The following ADAM18 variants were observed in gnomAD, a reference collection of about 807,000 sequenced individuals.
ADAM18 encodes ADAM metallopeptidase domain 18, also known as disintegrin and metalloproteinase domain-containing protein 18.
A neutral mutation model predicts 94.4 loss-of-function variants in ADAM18; 117 were observed. The ratio of observed to expected loss-of-function variants is 1.24; its 90% confidence interval spans 1.07 to 1.45. ADAM18 has a LOEUF of 1.45. ADAM18 is among the 40% of genes most tolerant of loss of function. The pLI is 0.00. For missense variants in ADAM18, 936 were observed against 880.0 expected, an observed-to-expected ratio of 1.06 and a Z score of -0.81; for synonymous variants, 327 against 291.6, an observed-to-expected ratio of 1.12 and a Z score of -1.24.
chr8:39,683,808 T>C (rs1197577781), intron 16 of ADAM18, among the ~76,000 whole-genome samples: 2 of 152,154 alleles, frequency 1.3e-5, no homozygotes, highest in Non-Finnish European at 2.9e-5. Flanking sequence ...AGATGGCAAA[T>C]ATTTTCTCCT....
chr8:39,600,623 A>T (rs1439257150), intron 2 of ADAM18, among the ~76,000 whole-genome samples: 1 of 152,178 alleles, frequency 6.6e-6, no homozygotes, highest in African/African-American at 2.4e-5. Context: ...AACTGCTCTC[A>T]GTTTGAGAAA....
chr8:39,642,751 T>C (rs1197787201), intron 10 of ADAM18, among the ~76,000 whole-genome samples: 1 of 152,110 alleles, frequency 6.6e-6, no homozygotes, highest in African/African-American at 2.4e-5. Flanking sequence ...TTGCTTACAA[T>C]TGCCTTTCTA....
rs183798317 is a variant in ADAM18 at position 39,641,475 on chromosome 8, C to T, written c.909+2929C>T. 6.1e-3 allele frequency among the ~76,000 whole-genome samples: 923 copies of T among 152,020 alleles called. 10 individuals are homozygous for T. Among genetic ancestry groups the T allele is most frequent in the African/African-American group, 0.021 (878 of 41,516 alleles). The stretch of plus-strand genomic sequence containing the variant: ...GTACCCATTAGTTATTCTTTCTGAT[C>T]CTCTCCCTCCTCCTACCCTCCATCC... On this transcript the variant is annotated intron_variant, in intron 10 of 19. Transcript: ENST00000265707.
At chr8:39,652,680 C>T (rs1278742980) in intron 12 of ADAM18, among the ~76,000 whole-genome samples, 1 of 152,144 alleles carries the variant, frequency 6.6e-6, no homozygotes, top group Non-Finnish European at 1.5e-5. Context: ...GATCCCATTA[C>T]TGGATATATA....
chr8:39,680,843 G>T (rs1429843911), intron 16 of ADAM18, among the ~76,000 whole-genome samples: 1 of 151,646 alleles, frequency 6.6e-6, no homozygotes, highest in East Asian at 1.9e-4. Flanking sequence ...AGCAATTATA[G>T]AGTGTTGCAC....
chr8:39,653,965 A>G (rs962967161), intron 12 of ADAM18, among the ~76,000 whole-genome samples: 1 of 151,902 alleles, frequency 6.6e-6, no homozygotes, highest in African/African-American at 2.4e-5. Flanking sequence ...ACCAACTTCT[A>G]TTCATCCCAC....
intron 2 of ADAM18, among the ~76,000 whole-genome samples, chr8:39,605,466 A>G (rs4733880): frequency 0.059 from 8,901 of 152,070 alleles, 350 homozygotes; most frequent in Non-Finnish European, 0.093. Context: ...CCACAGTTTT[A>G]TATGTTGAGA....
At chr8:39,654,761 A>G (rs1820640815) in intron 12 of ADAM18, among the ~76,000 whole-genome samples, 1 of 152,106 alleles carries the variant, frequency 6.6e-6, no homozygotes, top group Non-Finnish European at 1.5e-5. Flanking sequence ...ATGATATCTC[A>G]TTGTGGGTTT....
chr8:39,709,203 G>A (rs554719573), intron 18 of ADAM18, among the ~76,000 whole-genome samples: 2 of 152,312 alleles, frequency 1.3e-5, no homozygotes, highest in East Asian at 1.9e-4. Context: ...GGGAAGGGGA[G>A]CCGAAAAGGG....
rs199591632 is a variant in ADAM18 at position 39,645,438 on chromosome 8, G to T, written c.1010G>T (p.Cys337Phe). 1.2e-6 allele frequency: 2 copies of T among 1,612,194 alleles called. No homozygotes were observed. The highest frequency in any genetic ancestry group is 1.3e-5 in the African/African-American group (1 of 74,942). The change falls in exon 11 of 20, where the codon TGT becomes TTT. Residue 337 changes from cysteine (C) to phenylalanine (F), a missense_variant. Coordinates refer to ENST00000265707, the MANE Select transcript of ADAM18 (RefSeq NM_014237.3). ...TATGATGACATCACTCAGTGTTTCT[G>T]TCTGAGAGCTACATGCATCATGAAT... ...LTYDDITQCF[C>F]LRATCIMNHE...
intron 2 of ADAM18, among the ~76,000 whole-genome samples, chr8:39,597,073 A>G (rs1156824574): frequency 1.3e-5 from 2 of 152,134 alleles, no homozygotes; most frequent in African/African-American, 4.8e-5. Flanking sequence ...TGCTTGACAT[A>G]TATCTTATTT....
intron 6 of ADAM18, chr8:39,611,626 C>T: frequency 1.0e-6 from 1 of 975,666 alleles, no homozygotes; most frequent in Non-Finnish European, 1.2e-6. Flanking sequence ...GCATTGCTTC[C>T]ACATATACAT....
chr8:39,671,806 T>A (rs1002160773), intron 14 of ADAM18, among the ~76,000 whole-genome samples: 1 of 152,082 alleles, frequency 6.6e-6, no homozygotes, highest in Non-Finnish European at 1.5e-5. Context: ...GAGACAGGGA[T>A]GTGATGGACT....
chr8:39,679,823 C>T (rs930920541), intron 15 of ADAM18, among the ~76,000 whole-genome samples: 3 of 152,126 alleles, frequency 2.0e-5, no homozygotes, highest in African/African-American at 7.2e-5. Context: ...GGAATGAAGT[C>T]GTGTCTTCAC....
chr8:39,679,999 G>A (rs1183502678), intron 15 of ADAM18, 38 bp from the exon 16 acceptor site: 1 of 1,600,660 alleles, frequency 6.2e-7, no homozygotes, highest in Admixed American at 1.7e-5. Context: ...ATCATTAAGA[G>A]ATAAACTGAT....
intron 11 of ADAM18, among the ~76,000 whole-genome samples, chr8:39,647,769 T>TG (rs1820425693): frequency 6.6e-6 from 1 of 152,216 alleles, no homozygotes; most frequent in African/African-American, 2.4e-5. Context: ...AAACATTTTG[T>TG]TAACAAGGCA....
intron 14 of ADAM18, among the ~76,000 whole-genome samples, chr8:39,677,045 A>T (rs1328651398): frequency 6.6e-6 from 1 of 152,182 alleles, no homozygotes; most frequent in Non-Finnish European, 1.5e-5. Flanking sequence ...GCTACAAAGG[A>T]CAGGAGGTAG....
chr8:39,664,768 A>G (rs1426101953), intron 13 of ADAM18, among the ~76,000 whole-genome samples: 1 of 152,132 alleles, frequency 6.6e-6, no homozygotes, highest in Non-Finnish European at 1.5e-5. Flanking sequence ...ATAATTATAT[A>G]TTGTACAAGA....
chr8:39,610,566 G>T lies in ADAM18; in HGVS notation c.382G>T (p.Glu128Ter). Reference protein sequence around the residue: ...LQFENISYGIEPVESSARFEH... With the variant: ...LQFENISYGI Reference sequence around the variant, plus strand: ...GTTTGAAAATATCAGTTATGGAATTGAACCAGTAGAATCTTCAGCAAGATT... The same window carrying T: ...GTTTGAAAATATCAGTTATGGAATTTAACCAGTAGAATCTTCAGCAAGATT... The change falls in exon 6 of 20, where the codon GAA becomes TAA. Residue 128 changes from glutamate (E) to a stop codon, truncating the protein, a stop_gained. Transcript: ENST00000265707. LOFTEE classifies it high-confidence loss of function. The T allele has an allele frequency of 1.9e-6, 3 of 1,610,720 alleles. No homozygotes were observed. Among genetic ancestry groups the T allele is most frequent in the Non-Finnish European group, 2.5e-6 (3 of 1,178,142 alleles).
Sources: allele counts gnomAD v4.1 joint callset (sites outside exome capture counted in the v4.1 genomes callset), GRCh38; gene constraint gnomAD v4.1.1; transcripts MANE v1.5; gene names NCBI Gene and HGNC (gene_info 2026-07-23, HGNC 2026-07-21).